Variants in PRKAR1A observed in about 807,000 individuals in gnomAD.
PRKAR1A encodes protein kinase cAMP-dependent type I regulatory subunit alpha, also known as cAMP-dependent protein kinase type I-alpha regulatory subunit.
PRKAR1A carries 3 observed loss-of-function variants against 52.0 expected under a neutral mutation model. The observed-to-expected ratio is 0.06, with a 90% CI of 0.03 to 0.15. The LOEUF is 0.15. Ranked by LOEUF, PRKAR1A falls within the 10% of genes least tolerant of loss-of-function variation. The probability of loss-of-function intolerance (pLI) is 1.00; values close to 1 mark genes in which losing one functional copy is unlikely to be tolerated. For missense variants in PRKAR1A, 240 were observed against 477.4 expected, an observed-to-expected ratio of 0.50 and a Z score of 4.63; for synonymous variants, 188 against 168.4, an observed-to-expected ratio of 1.12 and a Z score of -0.90.
chr17:68,522,474 T>C (rs901943266), intron 2 of PRKAR1A, among the ~76,000 whole-genome samples: 3 of 152,244 alleles, frequency 2.0e-5, no homozygotes, highest in Non-Finnish European at 2.9e-5. Flanking sequence ...AATGAATATC[T>C]GATTTGTTAC....
Position 68,530,614 on chromosome 17 carries a change from G to T in PRKAR1A, c.*165G>T. 6.5e-6 allele frequency: 10 copies of T among 1,531,072 alleles called. No homozygotes were observed. The highest frequency in any genetic ancestry group is 1.4e-5 in the African/African-American group (1 of 72,862). 94.8% of individuals were successfully genotyped at this position (1,531,072 alleles called of 1,614,324 possible). A position where few individuals can be genotyped will look rare whatever the true frequency, so the allele number is the denominator to read the frequency against. ...TTTATTGCACCATTTTCAATTTGGA[G>T]CATTAACTAAATGCTCATACACAGT... On this transcript the variant is annotated 3_prime_UTR_variant, in exon 11 of 11. Coordinates refer to ENST00000589228, the MANE Select transcript of PRKAR1A (RefSeq NM_002734.5).
At position 68,531,022 on chromosome 17, in the gene PRKAR1A, T is replaced by A; in HGVS notation, c.*573T>A. 2 of 1,062,070 alleles carry A rather than the reference T, an allele frequency of 1.9e-6. No individual in the cohort carries two copies. The highest frequency in any genetic ancestry group is 9.0e-5 in the South Asian group (2 of 22,260). 65.8% of individuals were successfully genotyped at this position (1,062,070 alleles called of 1,614,324 possible). A position where few individuals can be genotyped will look rare whatever the true frequency, so the allele number is the denominator to read the frequency against. On this transcript the variant is annotated 3_prime_UTR_variant, in exon 11 of 11. Coordinates refer to ENST00000589228, the MANE Select transcript of PRKAR1A (RefSeq NM_002734.5). Reference sequence around the variant, plus strand: ...TAATTATCAATGGGATATGATTGGTTCAGTTTTTTTTTTTCCAGAGTTGTT... The same window carrying A: ...TAATTATCAATGGGATATGATTGGTACAGTTTTTTTTTTTCCAGAGTTGTT...
At chr17:68,456,962 C>T in the PRKAR1A span, among the ~76,000 whole-genome samples, 2 of 152,166 alleles carry the variant, frequency 1.3e-5, no homozygotes, top group Middle Eastern at 3.2e-3. Flanking sequence ...GCAACTTCCT[C>T]TCCTTTCTCA....
chr17:68,464,551 C>G, the PRKAR1A span, among the ~76,000 whole-genome samples: 1 of 152,034 alleles, frequency 6.6e-6, no homozygotes, highest in East Asian at 1.9e-4. Flanking sequence ...TGTGGTGGCA[C>G]GTGCCTGTAG....
the PRKAR1A span, among the ~76,000 whole-genome samples, chr17:68,486,558 TTTCTTTCTTTC>T: frequency 1.7e-4 from 24 of 142,250 alleles, 1 homozygote; most frequent in African/African-American, 5.9e-4. Flanking sequence ...TCTTTCTTTC[TTTCTTTCTTTC>T]TTCTTTCCTT....
chr17:68,468,722 GGGTACAGATT>G, the PRKAR1A span, among the ~76,000 whole-genome samples: 1 of 152,264 alleles, frequency 6.6e-6, no homozygotes, highest in African/African-American at 2.4e-5. Flanking sequence ...TATCTAAAGA[GGGTACAGATT>G]GGACCTTTCA....
At chr17:68,504,923 A>C in the PRKAR1A span, among the ~76,000 whole-genome samples, 2 of 152,218 alleles carry the variant, frequency 1.3e-5, no homozygotes, top group Admixed American at 1.3e-4. Context: ...AAAATATCCC[A>C]TATACCCCAT....
chr17:68,528,172 G>T (rs2085850471), intron 8 of PRKAR1A, among the ~76,000 whole-genome samples: 1 of 152,180 alleles, frequency 6.6e-6, no homozygotes, highest in South Asian at 2.1e-4. Flanking sequence ...ATCATTTGCT[G>T]GCATCCTCTG....
downstream of PRKAR1A, chr17:68,537,575 C>T: frequency 6.2e-7 from 1 of 1,613,412 alleles, no homozygotes; most frequent in Non-Finnish European, 8.5e-7. This position sits in a 1 kb window ranked among gnomAD's most constrained non-coding sequence, Gnocchi z 4.2. Context: ...ATGCACCCCT[C>T]CACTGTCCTT....
At chr17:68,446,998 C>T in the PRKAR1A span, among the ~76,000 whole-genome samples, 19 of 152,208 alleles carry the variant, frequency 1.2e-4, no homozygotes, top group Non-Finnish European at 2.5e-4. Flanking sequence ...CTGCTGATTG[C>T]TTTTTTAACT....
intron 6 of PRKAR1A, 45 bp downstream of exon 6, chr17:68,525,003 T>C (rs1174155930): frequency 1.4e-6 from 2 of 1,473,874 alleles, no homozygotes; most frequent in Non-Finnish European, 1.9e-6. Context: ...TAAAAGCCAA[T>C]GTATTGATCG....
upstream of PRKAR1A, among the ~76,000 whole-genome samples, chr17:68,510,880 G>C (rs1242397841): frequency 1.3e-5 from 2 of 152,148 alleles, no homozygotes; most frequent in Non-Finnish European, 2.9e-5. Flanking sequence ...AGTACCCTTA[G>C]AGCCTGGTGG....
the PRKAR1A span, among the ~76,000 whole-genome samples, chr17:68,453,877 A>C: frequency 6.6e-6 from 1 of 152,198 alleles, no homozygotes; most frequent in East Asian, 1.9e-4. Context: ...ACTTCATACT[A>C]GTAGCTCTCA....
chr17:68,540,362 C>G (rs976036915), intron 11 of PRKAR1A, among the ~76,000 whole-genome samples: 1 of 152,190 alleles, frequency 6.6e-6, no homozygotes, highest in South Asian at 2.1e-4. Context: ...CTGAAAGGCA[C>G]GATGATGAGC....
chr17:68,495,547 T>C, the PRKAR1A span, among the ~76,000 whole-genome samples: 3 of 152,228 alleles, frequency 2.0e-5, no homozygotes, highest in Non-Finnish European at 4.4e-5. Flanking sequence ...ATGGTGCTTC[T>C]GGAAAGACTT....
At chr17:68,518,981 A>G (rs1231975441) in intron 2 of PRKAR1A, among the ~76,000 whole-genome samples, 1 of 152,156 alleles carries the variant, frequency 6.6e-6, no homozygotes, top group Non-Finnish European at 1.5e-5. Flanking sequence ...TCCAGTTCTC[A>G]AGTTCCTCAT....
chr17:68,452,044 G>T, the PRKAR1A span, among the ~76,000 whole-genome samples: 1 of 152,036 alleles, frequency 6.6e-6, no homozygotes, highest in Non-Finnish European at 1.5e-5. Flanking sequence ...TTTTTTCCAG[G>T]AAACTGAAAG....
At chr17:68,547,871 C>T (rs12452849) in intron 11 of PRKAR1A, among the ~76,000 whole-genome samples, 29,865 of 152,158 alleles carry the variant, frequency 0.2, 3,108 homozygotes, top group African/African-American at 0.26. Flanking sequence ...GCACAAAAAG[C>T]TTAGCTTTTG....
At chr17:68,453,064 C>T in the PRKAR1A span, 1 of 1,251,680 alleles carries the variant, frequency 8.0e-7, no homozygotes, top group Non-Finnish European at 1.2e-6. Flanking sequence ...AAATAGATGC[C>T]TTTTGCCCCC....
Sources: gnomAD v4.1 joint callset for allele counts (sites outside exome capture counted in the v4.1 genomes callset) on GRCh38, gnomAD v4.1.1 for gene constraint, Gnocchi (gnomAD v3.1) non-coding constraint, MANE v1.5 for transcripts, NCBI Gene and HGNC (gene_info 2026-07-23, HGNC 2026-07-21) for gene names.